The following PDE4B variants were observed in gnomAD, a reference collection of about 807,000 sequenced individuals.
PDE4B encodes the protein 3',5'-cyclic-AMP phosphodiesterase 4B.
PDE4B carries 20 observed loss-of-function variants against 82.2 expected under a neutral mutation model. That is an observed-to-expected ratio of 0.24 (90% CI 0.17 to 0.35). The LOEUF is 0.35. Ranked by LOEUF, PDE4B falls within the 10% of genes least tolerant of loss-of-function variation. The pLI is 1.00. For synonymous variants in PDE4B, 320 were observed against 318.9 expected (o/e 1.00, Z -0.04); for missense variants, 655 against 907.2 (o/e 0.72, Z 3.57).
In PDE4B at chr1:65,984,015, C is replaced by A. The variant is rs561863489; in HGVS notation, c.281+65180C>A. 5.9e-5 allele frequency among the ~76,000 whole-genome samples: 9 copies of A among 152,246 alleles called. No individual in the cohort carries two copies. The East Asian group carries it at 1.7e-3, about 29-fold the overall frequency. ...AGAGGAATGACAGCTTATATTCACACAAAAACCTGTACACGGATGTTTACA... is the reference window on the plus strand; with the variant it reads ...AGAGGAATGACAGCTTATATTCACAAAAAAACCTGTACACGGATGTTTACA... On this transcript the variant is annotated intron_variant, in intron 3 of 16. Coordinates refer to ENST00000341517, the MANE Select transcript of PDE4B (RefSeq NM_002600.4).
At chr1:65,961,185 G>A (rs146307609) in intron 3 of PDE4B, among the ~76,000 whole-genome samples, 10 of 152,090 alleles carry the variant, frequency 6.6e-5, no homozygotes, top group African/African-American at 2.4e-4. Flanking sequence ...AATGGTGGAG[G>A]CTTGCTACTT....
At chr1:66,167,225 A>C (rs1646752464) in intron 3 of PDE4B, among the ~76,000 whole-genome samples, 1 of 152,232 alleles carries the variant, frequency 6.6e-6, no homozygotes, top group Non-Finnish European at 1.5e-5. Flanking sequence ...ATGATCACAT[A>C]AATTCATGCA....
intron 3 of PDE4B, among the ~76,000 whole-genome samples, chr1:66,130,518 G>C (rs562364083): frequency 1.3e-5 from 2 of 152,048 alleles, no homozygotes; most frequent in African/African-American, 4.8e-5. Flanking sequence ...CTTAAGGACC[G>C]AACTACACTC....
At chr1:66,271,683 C>A (rs546552147) in intron 7 of PDE4B, among the ~76,000 whole-genome samples, 38 of 152,158 alleles carry the variant, frequency 2.5e-4, no homozygotes, top group Non-Finnish European at 4.6e-4. Flanking sequence ...CAAGCAGATA[C>A]CCAGATACTG....
intron 1 of PDE4B, among the ~76,000 whole-genome samples, chr1:65,864,917 G>A (rs1302094103): frequency 6.6e-6 from 1 of 152,176 alleles, no homozygotes; most frequent in Non-Finnish European, 1.5e-5. Flanking sequence ...CACCTCATCA[G>A]TATCAGCTGC....
intron 3 of PDE4B, among the ~76,000 whole-genome samples, chr1:66,206,162 C>T (rs912616667): frequency 3.3e-5 from 5 of 152,326 alleles, no homozygotes; most frequent in East Asian, 1.9e-4. Flanking sequence ...GCTAGGCACT[C>T]TCGGACCTGG....
intron 1 of PDE4B, among the ~76,000 whole-genome samples, chr1:65,867,850 G>A (rs1042298339): frequency 6.6e-6 from 1 of 152,196 alleles, no homozygotes; most frequent in South Asian, 2.1e-4. Flanking sequence ...CCCAGACACA[G>A]TGGGAAGGGA....
intron 7 of PDE4B, among the ~76,000 whole-genome samples, chr1:66,285,546 G>T (rs1272049174): frequency 1.3e-5 from 2 of 151,854 alleles, no homozygotes; most frequent in Non-Finnish European, 2.9e-5. Context: ...CACTCTATAT[G>T]TCCATGTGTC....
intron 9 of PDE4B, among the ~76,000 whole-genome samples, chr1:66,358,674 CAA>C (rs11433160): frequency 6.0e-4 from 68 of 112,576 alleles, no homozygotes; most frequent in African/African-American, 1.8e-3. Flanking sequence ...AACTCTGTCT[CAA>C]AAAAAAAAAA....
intron 3 of PDE4B, among the ~76,000 whole-genome samples, chr1:66,097,472 T>A (rs1397812820): frequency 6.6e-6 from 1 of 152,130 alleles, no homozygotes; most frequent in Non-Finnish European, 1.5e-5. Context: ...CTAATTGAGT[T>A]GAAAGGGTGA....
chr1:66,294,022 A>G (rs111886642), intron 7 of PDE4B, among the ~76,000 whole-genome samples: 5,542 of 152,290 alleles, frequency 0.036, 119 homozygotes, highest in Middle Eastern at 0.068. Flanking sequence ...CCTGGCCAAC[A>G]TGGTGAAACC....
chr1:65,906,355 G>A (rs1236309169), intron 1 of PDE4B, among the ~76,000 whole-genome samples: 1 of 152,100 alleles, frequency 6.6e-6, no homozygotes, highest in East Asian at 1.9e-4. Context: ...AAAACTCTCA[G>A]GTGTGGAGAG....
intron 3 of PDE4B, among the ~76,000 whole-genome samples, chr1:66,222,601 C>T (rs1464116113): frequency 6.6e-6 from 1 of 152,180 alleles, no homozygotes; most frequent in Non-Finnish European, 1.5e-5. Flanking sequence ...AGGACTTCAT[C>T]CAAATGTTAA....
At chr1:65,994,188 A>G (rs1651405544) in intron 3 of PDE4B, among the ~76,000 whole-genome samples, 1 of 152,198 alleles carries the variant, frequency 6.6e-6, no homozygotes. Flanking sequence ...TTAAAAATTA[A>G]TATTCACTTG....
chr1:66,069,434 T>G (rs562728417), intron 3 of PDE4B, among the ~76,000 whole-genome samples: 8 of 152,144 alleles, frequency 5.3e-5, no homozygotes, highest in African/African-American at 1.7e-4. Flanking sequence ...TTGATTATCA[T>G]AACATTAATT....
At chr1:66,268,515 A>G (rs1368778398) in intron 7 of PDE4B, among the ~76,000 whole-genome samples, 2 of 151,966 alleles carry the variant, frequency 1.3e-5, no homozygotes, top group African/African-American at 2.4e-5. Flanking sequence ...TAAAACTACA[A>G]AAATTAGCTG....
At position 65,918,849 on chromosome 1, in the gene PDE4B, A is replaced by C; in HGVS notation, c.281+14A>C. 7.1e-7 allele frequency: 1 copy of C among 1,411,046 alleles called. No individual in the cohort carries two copies. Among genetic ancestry groups the C allele is most frequent in the Non-Finnish European group, 1.0e-6 (1 of 995,588 alleles). The allele number at this position is 1,411,046 out of a possible 1,614,324, so 87.4% of individuals were successfully genotyped here. On this transcript the variant is annotated intron_variant, in intron 3 of 16. Transcript: ENST00000341517. ...AAGCCAGGAGTGGTGAGTAGCCTCA[A>C]AATCAAATGTCAATTCTAAATTTTT... is the stretch of plus-strand genomic sequence containing the variant.
At chr1:65,849,785 G>A (rs1183458521) in intron 1 of PDE4B, among the ~76,000 whole-genome samples, 4 of 152,118 alleles carry the variant, frequency 2.6e-5, no homozygotes, top group Non-Finnish European at 5.9e-5. Flanking sequence ...GAACAAGAAC[G>A]CCCCTTTTCT....
intron 8 of PDE4B, among the ~76,000 whole-genome samples, chr1:66,341,025 A>G (rs1415523521): frequency 6.6e-6 from 1 of 152,208 alleles, no homozygotes; most frequent in Non-Finnish European, 1.5e-5. Context: ...ATAGTTTTAC[A>G]TGATTACATT....
Sources: allele counts gnomAD v4.1 joint callset (sites outside exome capture counted in the v4.1 genomes callset), GRCh38; gene constraint gnomAD v4.1.1; transcripts MANE v1.5; gene names NCBI Gene and HGNC (gene_info 2026-07-23, HGNC 2026-07-21).